Variants in IL4I1 observed in about 807,000 individuals in gnomAD.
IL4I1 encodes the protein L-amino-acid oxidase.
Under a neutral mutation model 29.7 loss-of-function variants are expected in IL4I1, and 24 were observed. The observed-to-expected ratio is 0.81, with a 90% confidence interval of 0.59 to 1.14. The LOEUF is 1.14. Among genes scored for constraint, IL4I1 ranks in the 50% most tolerant of loss-of-function variants. The probability of loss-of-function intolerance (pLI) is 0.00; values close to 1 mark genes in which losing one functional copy is unlikely to be tolerated. For synonymous variants in IL4I1, 371 were observed against 352.5 expected (o/e 1.05, Z -0.59); for missense variants, 686 against 785.6 (o/e 0.87, Z 1.52).
chr19:49,891,260 A>G (rs568822993), intron 6 of IL4I1, 145 bp downstream of exon 6: 6 of 1,405,732 alleles, frequency 4.3e-6, no homozygotes, highest in East Asian at 2.3e-5. Context: ...GGAGGTCCAG[A>G]CAGGGGGCGT....
rs2075360546 is a variant in IL4I1 at position 49,907,956 on chromosome 19, TGAGCCAG to T, written c.-227-3642_-227-3636del. On this transcript the variant is annotated intron_variant, in intron 2 of 9. Coordinates refer to the IL4I1 transcript ENST00000341114. ...CATCAGCACTTCTCCATCACCAGGC[TGAGCCAG>T]GATGAGGTGGGTGGTCGCAGTAGGT... is the stretch of plus-strand genomic sequence containing the variant. 5.9e-4 allele frequency: 329 copies of T among 560,148 alleles called. 5 individuals carry two copies. The South Asian group carries it at 6.4e-3, about 11-fold the overall frequency. The allele number at this position is 560,148 out of a possible 1,614,324, so 34.7% of individuals were successfully genotyped here.
intron 2 of IL4I1, chr19:49,908,365 G>A: frequency 6.2e-7 from 1 of 1,614,216 alleles, no homozygotes; most frequent in African/African-American, 1.3e-5. Flanking sequence ...GTGAGTCCAT[G>A]TGCGCATTGA....
chr19:49,896,157 C>A lies in IL4I1; in HGVS notation c.4G>T (p.Ala2Ser), dbSNP rs147323473. The A allele has an allele frequency of 3.2e-5, 49 of 1,536,374 alleles. No homozygotes were observed. The African/African-American group carries it at 5.8e-4, about 18-fold the overall frequency. Residue 2 changes from alanine to serine, a missense_variant, in exon 2 of 8, where the codon GCC becomes TCC. By Grantham distance (99) the Ala-to-Ser change is moderately conservative (BLOSUM62 1). Transcript: ENST00000391826. ...TCCCCTGCTTACTCACCCAATGGGG[C>A]CATGACTCTCGGTGGGAGATGGTGT... M[A>S]PLALHLLVLV...
chr19:49,892,077 CTTTTTT>C (rs773013384), intron 5 of IL4I1, among the ~76,000 whole-genome samples: 1 of 120,186 alleles, frequency 8.3e-6, no homozygotes, highest in African/African-American at 3.3e-5. Context: ...CCCTCAATGT[CTTTTTT>C]TTTTTTTTTT....
intron 2 of IL4I1, among the ~76,000 whole-genome samples, chr19:49,916,997 C>T (rs1448336144): frequency 6.6e-6 from 1 of 152,266 alleles, no homozygotes; most frequent in Non-Finnish European, 1.5e-5. Context: ...GGTGGCACTG[C>T]TGACAACGCA....
At chr19:49,920,718 G>A (rs1040431480) in intron 2 of IL4I1, among the ~76,000 whole-genome samples, 1 of 152,220 alleles carries the variant, frequency 6.6e-6, no homozygotes, top group African/African-American at 2.4e-5. Context: ...ACAGGCTGGG[G>A]AAGAGCCTAG....
At chr19:49,912,019 C>T (rs1452708314) in intron 2 of IL4I1, among the ~76,000 whole-genome samples, 2 of 152,202 alleles carry the variant, frequency 1.3e-5, no homozygotes, top group Non-Finnish European at 2.9e-5. Flanking sequence ...TCTCAGTTCT[C>T]AAGAACTCAG....
At chr19:49,924,019 G>A (rs1161058256) in intron 2 of IL4I1, among the ~76,000 whole-genome samples, 1 of 152,236 alleles carries the variant, frequency 6.6e-6, no homozygotes, top group Non-Finnish European at 1.5e-5. Context: ...GCAGTGAGGA[G>A]TTGCGGCAAT....
At chr19:49,903,695 T>C (rs1460540070) in intron 3 of IL4I1, among the ~76,000 whole-genome samples, 1 of 152,190 alleles carries the variant, frequency 6.6e-6, no homozygotes, top group Non-Finnish European at 1.5e-5. Context: ...GATTTACATT[T>C]TCAGGAGTTT....
rs765887489 is a variant in IL4I1 at position 49,889,677 on chromosome 19, G to C, written c.1697C>G (p.Ser566Trp). Residue 566 changes from serine (S) to tryptophan (W), a missense_variant, in exon 8 of 8, where the codon TCG becomes TGG. Ser to Trp is a radical substitution (Grantham distance 177). Transcript: ENST00000391826. ...GCTTTTTCCGAAAATACTTTAATGC[G>C]AGGTCCTCGTGTGGGTCGTGTTTTG... ...SLQNTTHTRT[S>W]H 8.8e-6 allele frequency: 13 copies of C among 1,481,320 alleles called. No individual in the cohort carries two copies. The highest frequency in any genetic ancestry group is 1.2e-5 in the Non-Finnish European group (13 of 1,113,822). The allele number at this position is 1,481,320 out of a possible 1,614,324, so 91.8% of individuals were successfully genotyped here. A position where few individuals can be genotyped will look rare whatever the true frequency, so the allele number is the denominator to read the frequency against.
intron 2 of IL4I1, chr19:49,911,413 C>T (rs1389841529): frequency 6.6e-6 from 1 of 152,208 alleles, no homozygotes; most frequent in African/African-American, 2.4e-5. Flanking sequence ...ACTGAGAAGC[C>T]AAGTGCCTGA....
intron 2 of IL4I1, chr19:49,909,845 C>G: frequency 1.9e-6 from 3 of 1,602,228 alleles, no homozygotes; most frequent in Non-Finnish European, 2.6e-6. Context: ...CTCTGGCTCC[C>G]AAAGCAAATC....
At chr19:49,917,304 A>G (rs1023570215) in intron 2 of IL4I1, among the ~76,000 whole-genome samples, 2 of 152,164 alleles carry the variant, frequency 1.3e-5, no homozygotes, top group South Asian at 2.1e-4. Flanking sequence ...GACCATCTCC[A>G]TGAGTGCTAG....
At chr19:49,918,895 T>TGGGGGGGG (rs56129490) in intron 2 of IL4I1, among the ~76,000 whole-genome samples, 102 of 72,318 alleles carry the variant, frequency 1.4e-3, no homozygotes, top group Admixed American at 3.7e-3. Flanking sequence ...TTTGGGAGGC[T>TGGGGGGGG]GGGGGGGGGG....
intron 5 of IL4I1, among the ~76,000 whole-genome samples, chr19:49,893,575 T>C (rs895710013): frequency 6.6e-6 from 1 of 151,632 alleles, no homozygotes; most frequent in African/African-American, 2.4e-5. Flanking sequence ...AGCCCATGGA[T>C]CTATGTTTAA....
Position 49,891,108 on chromosome 19 carries a change from C to G in IL4I1, c.637-1G>C, listed in dbSNP as rs1218362932. 1.2e-6 allele frequency: 2 copies of G among 1,612,014 alleles called. No individual in the cohort carries two copies. Among genetic ancestry groups the G allele is most frequent in the Admixed American group, 3.4e-5 (2 of 59,558 alleles). On this transcript the variant is annotated splice_acceptor_variant, in intron 6 of 7. Transcript: ENST00000391826. LOFTEE classifies it high-confidence loss of function. ...GGTTCCCCTCCCCGAGAAGATATTC[C>G]TGCAGGTTGGGCACAGGCCGAGGTT... is the stretch of plus-strand genomic sequence containing the variant.
At position 49,926,857 on chromosome 19, in the gene IL4I1, T is replaced by C. The variant is rs1420076595; in HGVS notation, c.-228+837A>G. ...GTAACAGCCCTAAGAAGTAGGTACTTTTTTTTTTTTTTTTTTGAGACGAGG... is the reference window on the plus strand; with the variant it reads ...GTAACAGCCCTAAGAAGTAGGTACTCTTTTTTTTTTTTTTTTGAGACGAGG... On this transcript the variant is annotated intron_variant, in intron 2 of 9. Transcript: ENST00000341114. Among the ~76,000 whole-genome samples the C allele has an allele frequency of 1.2e-3, 10 of 8,480 alleles. No homozygotes were observed. In the East Asian group the frequency reaches 0.28, roughly 236 times the overall value. 5.6% of individuals were successfully genotyped at this position (8,480 alleles called of 152,430 possible). A position where few individuals can be genotyped will look rare whatever the true frequency, so the allele number is the denominator to read the frequency against.
At chr19:49,918,906 G>GT (rs1157933637) in intron 2 of IL4I1, among the ~76,000 whole-genome samples, 1 of 145,066 alleles carries the variant, frequency 6.9e-6, no homozygotes, top group African/African-American at 2.6e-5. Flanking sequence ...GGGGGGGGGG[G>GT]GGCGGGGTGT....
upstream of IL4I1, among the ~76,000 whole-genome samples, chr19:49,900,951 T>C (rs191096589): frequency 5.3e-4 from 81 of 152,352 alleles, no homozygotes; most frequent in East Asian, 1.7e-3. Context: ...CTGGCCCCAC[T>C]GGGGGCCTCG....
Sources: gnomAD v4.1 joint callset for allele counts (sites outside exome capture counted in the v4.1 genomes callset) on GRCh38, gnomAD v4.1.1 for gene constraint, MANE v1.5 for transcripts, NCBI Gene and HGNC (gene_info 2026-07-23, HGNC 2026-07-21) for gene names.